The following KCNIP4 variants were observed in gnomAD, a reference collection of about 807,000 sequenced individuals.
The protein encoded by KCNIP4 is Kv channel-interacting protein 4.
Under a neutral mutation model 34.0 loss-of-function variants are expected in KCNIP4, and 12 were observed. That is an observed-to-expected ratio of 0.35 (90% CI 0.23 to 0.57). The LOEUF (loss-of-function observed/expected upper bound fraction) is 0.57. KCNIP4 is among the 20% of genes least tolerant of loss of function. The pLI, the probability that KCNIP4 is intolerant of heterozygous loss-of-function variation, is 0.83. For missense variants in KCNIP4, 238 were observed against 311.7 expected (o/e 0.76, Z 1.78); for synonymous variants, 124 against 102.2 (o/e 1.21, Z -1.29).
chr4:21,592,153 T>C (rs538447379), intron 1 of KCNIP4, among the ~76,000 whole-genome samples: 50 of 152,210 alleles, frequency 3.3e-4, no homozygotes, highest in African/African-American at 1.1e-3. Context: ...ATTATCACTA[T>C]GACAATTATG....
At chr4:21,178,377 G>C (rs538677633) in intron 1 of KCNIP4, among the ~76,000 whole-genome samples, 3 of 152,250 alleles carry the variant, frequency 2.0e-5, no homozygotes, top group Admixed American at 6.5e-5. Flanking sequence ...CTAGAGCATT[G>C]CTTTTCAAAT....
intron 1 of KCNIP4, among the ~76,000 whole-genome samples, chr4:21,301,254 C>T (rs1164946913): frequency 6.6e-6 from 1 of 152,106 alleles, no homozygotes; most frequent in Non-Finnish European, 1.5e-5. Flanking sequence ...ATGTATTCTA[C>T]ACATAGATAA....
chr4:21,346,369 G>A (rs1033785760), intron 1 of KCNIP4, among the ~76,000 whole-genome samples: 3 of 139,868 alleles, frequency 2.1e-5, no homozygotes, highest in Non-Finnish European at 4.5e-5. Context: ...AGAATAAAGA[G>A]CCTTTTTTCT....
rs1423569326 is a variant in KCNIP4 at position 21,774,219 on chromosome 4, C to T, written c.61+174352G>A. 3.3e-5 allele frequency among the ~76,000 whole-genome samples: 5 copies of T among 152,068 alleles called. No individual in the cohort carries two copies. The South Asian group carries it at 6.2e-4, about 19-fold the overall frequency. ...AAACTTAGTTTGGCTGGATATGAAA[C>T]GCCGGGTTGAAAATTCTTTTCTTTA... is the stretch of plus-strand genomic sequence containing the variant. On this transcript the variant is annotated intron_variant, in intron 1 of 8. Coordinates refer to ENST00000382152, the MANE Select transcript of KCNIP4 (RefSeq NM_025221.6).
intron 1 of KCNIP4, among the ~76,000 whole-genome samples, chr4:21,168,126 G>A (rs968097491): frequency 2.6e-5 from 4 of 152,176 alleles, no homozygotes; most frequent in Admixed American, 6.5e-5. Flanking sequence ...CATCAAAAGA[G>A]TATTATTTTT....
chr4:21,941,148 G>A (rs1730181509), intron 1 of KCNIP4, among the ~76,000 whole-genome samples: 2 of 152,172 alleles, frequency 1.3e-5, no homozygotes, highest in African/African-American at 4.8e-5. Flanking sequence ...CGGTTTAAGA[G>A]CTACATATGC....
At chr4:21,713,277 C>A (rs747511057) in intron 1 of KCNIP4, among the ~76,000 whole-genome samples, 2 of 152,082 alleles carry the variant, frequency 1.3e-5, no homozygotes, top group Non-Finnish European at 2.9e-5. Context: ...CTACTAGATT[C>A]CAAATTGAGA....
At chr4:21,420,010 T>C (rs1725316579) in intron 1 of KCNIP4, among the ~76,000 whole-genome samples, 1 of 152,206 alleles carries the variant, frequency 6.6e-6, no homozygotes, top group Non-Finnish European at 1.5e-5. Context: ...TTTGACACTG[T>C]GCAAGAGCTA....
intron 1 of KCNIP4, among the ~76,000 whole-genome samples, chr4:21,743,374 C>T (rs887770072): frequency 9.3e-5 from 14 of 150,652 alleles, no homozygotes; most frequent in African/African-American, 3.4e-4. Context: ...CTTCATCACA[C>T]TATGTCACTG....
In KCNIP4 at chr4:20,911,341, A is replaced by G. The variant is rs569864829; in HGVS notation, c.62-28632T>C. ...TGCTTACAGCATTTACTTCCTCCAT[A>G]GTGTTCAGTTTTCATGGTTCATTAT... On this transcript the variant is annotated intron_variant, in intron 1 of 8. Transcript: ENST00000382152. Among the ~76,000 whole-genome samples, 8 of 152,246 alleles carry G rather than the reference A, an allele frequency of 5.3e-5. No individual in the cohort carries two copies. In the South Asian group the frequency reaches 1.0e-3, roughly 20 times the overall value.
chr4:20,760,754 G>T (rs957644681), intron 3 of KCNIP4, among the ~76,000 whole-genome samples: 1 of 152,080 alleles, frequency 6.6e-6, no homozygotes, highest in South Asian at 2.1e-4. Context: ...TCATGACAAG[G>T]TTTCGTATTA....
chr4:21,901,792 T>C (rs1727717826), intron 1 of KCNIP4, among the ~76,000 whole-genome samples: 1 of 151,946 alleles, frequency 6.6e-6, no homozygotes, highest in Non-Finnish European at 1.5e-5. Context: ...CATTTGAAAG[T>C]CCCAAAGAGA....
At chr4:21,719,684 C>G (rs1275567386) in intron 1 of KCNIP4, among the ~76,000 whole-genome samples, 2 of 151,976 alleles carry the variant, frequency 1.3e-5, no homozygotes, top group Non-Finnish European at 2.9e-5. Context: ...CAATAGGGGC[C>G]AGGCATGGTG....
chr4:21,351,166 T>C (rs555319472), intron 1 of KCNIP4, among the ~76,000 whole-genome samples: 1 of 152,306 alleles, frequency 6.6e-6, no homozygotes, highest in Non-Finnish European at 1.5e-5. Flanking sequence ...CTAAATATTA[T>C]GGGCTGAACT....
chr4:20,945,760 C>G (rs10938821), intron 1 of KCNIP4, among the ~76,000 whole-genome samples: 100,114 of 152,014 alleles, frequency 0.66, 33,815 homozygotes, highest in East Asian at 0.77. Context: ...CCAGGGACTC[C>G]CCGACATGTT....
intron 1 of KCNIP4, among the ~76,000 whole-genome samples, chr4:20,961,846 T>C (rs750751385): frequency 2.0e-5 from 3 of 152,192 alleles, no homozygotes; most frequent in Non-Finnish European, 4.4e-5. Context: ...CTTGGGAATA[T>C]CTGCACATAC....
chr4:21,628,345 T>C (rs963296880), intron 1 of KCNIP4, among the ~76,000 whole-genome samples: 1 of 152,184 alleles, frequency 6.6e-6, no homozygotes, highest in Non-Finnish European at 1.5e-5. Flanking sequence ...CAATCTTCAT[T>C]TTGCCTGACT....
intron 1 of KCNIP4, among the ~76,000 whole-genome samples, chr4:21,263,105 A>G (rs770753575): frequency 6.6e-6 from 1 of 152,144 alleles, no homozygotes; most frequent in African/African-American, 2.4e-5. Context: ...ATGGAGCTTG[A>G]CTATAAGGGT....
chr4:21,289,181 A>G (rs769538476), intron 1 of KCNIP4, among the ~76,000 whole-genome samples: 44 of 152,174 alleles, frequency 2.9e-4, no homozygotes, highest in Non-Finnish European at 6.2e-4. Flanking sequence ...AGGATACATA[A>G]TGGGTGTATA....
Sources: gnomAD v4.1 joint callset for allele counts (sites outside exome capture counted in the v4.1 genomes callset) on GRCh38, gnomAD v4.1.1 for gene constraint, MANE v1.5 for transcripts, NCBI Gene and HGNC (gene_info 2026-07-23, HGNC 2026-07-21) for gene names.